Variants in EPHA5 observed in about 807,000 individuals in gnomAD.
EPHA5 encodes ephrin type-A receptor 5.
A neutral mutation model predicts 105.0 loss-of-function variants in EPHA5; 60 were observed. That is an observed-to-expected ratio of 0.57 (90% CI 0.46 to 0.71). EPHA5 has a LOEUF of 0.71. Ranked by LOEUF, EPHA5 falls within the 30% of genes least tolerant of loss-of-function variation. The pLI, the probability that EPHA5 is intolerant of heterozygous loss-of-function variation, is 0.00. For synonymous variants in EPHA5, 513 were observed against 449.1 expected (o/e 1.14, Z -1.80); for missense variants, 1,218 against 1,274.7 (o/e 0.96, Z 0.68).
At chr4:65,493,346 T>C (rs1401869837) in intron 4 of EPHA5, among the ~76,000 whole-genome samples, 1 of 152,188 alleles carries the variant, frequency 6.6e-6, no homozygotes, top group Admixed American at 6.6e-5. Flanking sequence ...TTTTTTCCTG[T>C]AGGCTTATAA....
intron 3 of EPHA5, among the ~76,000 whole-genome samples, chr4:65,557,236 A>ATATATATATATATAT (rs1227702460): frequency 7.2e-6 from 1 of 139,026 alleles, no homozygotes; most frequent in Non-Finnish European, 1.6e-5. Flanking sequence ...ATACTGGGAT[A>ATATATATATATATAT]TATATATATA....
chr4:65,622,899 A>G (rs1026973845), intron 2 of EPHA5, among the ~76,000 whole-genome samples: 1 of 152,074 alleles, frequency 6.6e-6, no homozygotes, highest in Non-Finnish European at 1.5e-5. Flanking sequence ...TTTAATAAGA[A>G]CTGAGTGTCT....
Position 65,541,378 on chromosome 4 carries a change from T to G in EPHA5, c.911-45835A>C, listed in dbSNP as rs141823677. On this transcript the variant is annotated intron_variant, in intron 3 of 16. Transcript: ENST00000613740. ...CCCAACTCATGTGCAAAGTCACACATAGGTTCAAAATAAAGGGTGGAGGAA... is the reference window on the plus strand; with the variant it reads ...CCCAACTCATGTGCAAAGTCACACAGAGGTTCAAAATAAAGGGTGGAGGAA... Among the ~76,000 whole-genome samples, 603 of 151,890 alleles carry G rather than the reference T, an allele frequency of 4.0e-3. 4 individuals are homozygous for G. The highest frequency in any genetic ancestry group is 5.6e-3 in the Non-Finnish European group (379 of 67,848).
chr4:65,596,585 GA>G (rs34012574), intron 3 of EPHA5, among the ~76,000 whole-genome samples: 1 of 151,934 alleles, frequency 6.6e-6, no homozygotes, highest in Non-Finnish European at 1.5e-5. Context: ...AAAATGGGGG[GA>G]AAAAGACTAT....
At chr4:65,419,131 G>T (rs182062160) in intron 6 of EPHA5, among the ~76,000 whole-genome samples, 1 of 151,690 alleles carries the variant, frequency 6.6e-6, no homozygotes, top group East Asian at 2.0e-4. Flanking sequence ...GCGACCACCC[G>T]CCTCAGCCTT....
chr4:65,387,517 G>A (rs1379692129), intron 8 of EPHA5, among the ~76,000 whole-genome samples: 1 of 151,912 alleles, frequency 6.6e-6, no homozygotes, highest in Non-Finnish European at 1.5e-5. Flanking sequence ...GGGCTGAAAA[G>A]CAACAGTATA....
At chr4:65,446,657 TA>T (rs140549204) in intron 5 of EPHA5, among the ~76,000 whole-genome samples, 1 of 152,158 alleles carries the variant, frequency 6.6e-6, no homozygotes, top group Non-Finnish European at 1.5e-5. Context: ...AATAGTCACA[TA>T]AAAGAGTGTA....
chr4:65,422,744 T>C (rs1210588451), intron 5 of EPHA5, among the ~76,000 whole-genome samples: 4 of 152,090 alleles, frequency 2.6e-5, no homozygotes, highest in Non-Finnish European at 5.9e-5. Flanking sequence ...TTTAGGCTAC[T>C]ACAGTTCCCA....
chr4:65,540,243 A>G (rs1736688045), intron 3 of EPHA5, among the ~76,000 whole-genome samples: 1 of 151,594 alleles, frequency 6.6e-6, no homozygotes, highest in South Asian at 2.1e-4. Context: ...GAAAAGTAAT[A>G]TTTTTCAAGT....
chr4:65,478,361 TAA>T (rs1168258942), intron 5 of EPHA5, among the ~76,000 whole-genome samples: 2 of 152,228 alleles, frequency 1.3e-5, no homozygotes, highest in Admixed American at 6.5e-5. Context: ...ATTAAAATGA[TAA>T]GTTAACAAAA....
chr4:65,606,867 AAG>A (rs1288238768), intron 2 of EPHA5, among the ~76,000 whole-genome samples: 4 of 152,156 alleles, frequency 2.6e-5, no homozygotes, highest in Admixed American at 2.6e-4. Flanking sequence ...AAATCTGGCA[AAG>A]AATCAATTGC....
chr4:65,579,104 G>C (rs1419252082), intron 3 of EPHA5, among the ~76,000 whole-genome samples: 2 of 151,596 alleles, frequency 1.3e-5, no homozygotes. Flanking sequence ...AGCAGGAAGG[G>C]TACTTTCTTT....
chr4:65,619,685 C>A (rs2149473773), intron 2 of EPHA5, among the ~76,000 whole-genome samples: 1 of 151,954 alleles, frequency 6.6e-6, no homozygotes, highest in South Asian at 2.1e-4. Flanking sequence ...AAACATTCAG[C>A]CAGAGAAATA....
chr4:65,430,525 A>T (rs1724870314), intron 5 of EPHA5, among the ~76,000 whole-genome samples: 1 of 151,474 alleles, frequency 6.6e-6, no homozygotes, highest in East Asian at 1.9e-4. Flanking sequence ...AATATATCAC[A>T]TTTATAAGAA....
intron 7 of EPHA5, among the ~76,000 whole-genome samples, chr4:65,410,280 G>A (rs1038962116): frequency 2.0e-5 from 3 of 152,110 alleles, no homozygotes; most frequent in African/African-American, 7.2e-5. Flanking sequence ...AATCTGCAGG[G>A]AATCATGCTA....
At chr4:65,358,699 T>G (rs1056969445) in intron 11 of EPHA5, among the ~76,000 whole-genome samples, 1 of 151,612 alleles carries the variant, frequency 6.6e-6, no homozygotes, top group Non-Finnish European at 1.5e-5. Context: ...TTATGGTTCT[T>G]ATTTGCTGGC....
intron 5 of EPHA5, among the ~76,000 whole-genome samples, chr4:65,458,459 T>A (rs932981367): frequency 2.0e-5 from 3 of 152,182 alleles, no homozygotes; most frequent in Non-Finnish European, 2.9e-5. Flanking sequence ...CTTTTCCATC[T>A]TAGCATGTCC....
In EPHA5 at chr4:65,584,390, T is replaced by G. The variant is rs377211168; in HGVS notation, c.910+17251A>C. ...ATATTTTTAAAATACAAAATAATAT[T>G]TCAAATTTCTTTTCCAAAATTCTCT... On this transcript the variant is annotated intron_variant, in intron 3 of 16. Transcript: ENST00000613740. Among the ~76,000 whole-genome samples, 158 of 151,962 alleles carry G rather than the reference T, an allele frequency of 1.0e-3. 1 individual carries two copies. Among genetic ancestry groups the G allele is most frequent in the African/African-American group, 3.5e-3 (147 of 41,532 alleles).
At chr4:65,387,650 G>C (rs540632669) in intron 8 of EPHA5, among the ~76,000 whole-genome samples, 2 of 151,964 alleles carry the variant, frequency 1.3e-5, no homozygotes, top group South Asian at 2.1e-4. Flanking sequence ...CAGTATGTAC[G>C]TTTGGAACAG....
Sources: gnomAD v4.1 joint callset for allele counts (sites outside exome capture counted in the v4.1 genomes callset) on GRCh38, gnomAD v4.1.1 for gene constraint, MANE v1.5 for transcripts, NCBI Gene and HGNC (gene_info 2026-07-23, HGNC 2026-07-21) for gene names.